CELA2A: variants seen among roughly 807,000 people sequenced by gnomAD.
The protein encoded by CELA2A is chymotrypsin-like elastase family member 2A.
A neutral mutation model predicts 35.3 loss-of-function variants in CELA2A; 31 were observed. The ratio of observed to expected loss-of-function variants is 0.88; its 90% CI spans 0.66 to 1.19. The LOEUF (loss-of-function observed/expected upper bound fraction) is 1.19. Ranked by LOEUF, CELA2A falls within the 50% of genes most tolerant of loss-of-function variation. The probability of loss-of-function intolerance (pLI) is 0.00; values close to 1 mark genes in which losing one functional copy is unlikely to be tolerated. For synonymous variants in CELA2A, 150 were observed against 149.8 expected, an observed-to-expected ratio of 1.00 and a Z score of -0.01; for missense variants, 330 against 352.9, an observed-to-expected ratio of 0.94 and a Z score of 0.52.
chr1:15,456,749 A>T lies in CELA2A; in HGVS notation c.-5A>T, dbSNP rs1304276604. The T allele has an allele frequency of 6.2e-7, 1 of 1,614,158 alleles. No individual in the cohort carries two copies. The highest frequency in any genetic ancestry group is 1.7e-5 in the Admixed American group (1 of 60,016). ...CCACGCTTACAGAACTCCCACGGAC[A>T]CACCATGATAAGGACGCTGCTGCTG... On this transcript the variant is annotated 5_prime_UTR_variant, in exon 1 of 8. Coordinates refer to ENST00000359621, the MANE Select transcript of CELA2A (RefSeq NM_033440.3).
At chr1:15,458,836 C>G (rs1159939215) in intron 2 of CELA2A, among the ~76,000 whole-genome samples, 1 of 142,830 alleles carries the variant, frequency 7.0e-6, no homozygotes, top group Non-Finnish European at 1.5e-5. Context: ...TCGCTTGAAC[C>G]TGGGAGGCGC....
intron 2 of CELA2A, among the ~76,000 whole-genome samples, chr1:15,459,882 T>C (rs1487866113): frequency 4.7e-5 from 7 of 149,234 alleles, no homozygotes; most frequent in Non-Finnish European, 1.0e-4. Context: ...TTCAAGGGGC[T>C]GAGGCAGGAG....
intron 2 of CELA2A, 102 bp downstream of exon 2, chr1:15,457,276 A>G (rs16851662): frequency 0.11 from 128,141 of 1,142,028 alleles, 7,914 homozygotes; most frequent in East Asian, 0.2. Context: ...CAAAGTGAGT[A>G]TTGATGGGAC....
At chr1:15,468,231 C>A (rs1254207892) in intron 7 of CELA2A, among the ~76,000 whole-genome samples, 1 of 152,068 alleles carries the variant, frequency 6.6e-6, no homozygotes, top group South Asian at 2.1e-4. Context: ...ACCTGATATC[C>A]CCATAGCATT....
chr1:15,463,216 C>T (rs1192283990), intron 4 of CELA2A, among the ~76,000 whole-genome samples, 170 bp from the exon 5 acceptor site: 1 of 152,192 alleles, frequency 6.6e-6, no homozygotes, highest in East Asian at 1.9e-4. Flanking sequence ...CCTGCCTTCC[C>T]CCTTTCAACA....
At chr1:15,464,521 A>C (rs1213796203) in intron 5 of CELA2A, among the ~76,000 whole-genome samples, 1 of 152,198 alleles carries the variant, frequency 6.6e-6, no homozygotes, top group Non-Finnish European at 1.5e-5. Context: ...AGTGTTAATC[A>C]CATTATGACA....
At chr1:15,466,739 G>C (rs1317211340) in intron 6 of CELA2A, among the ~76,000 whole-genome samples, 1 of 152,146 alleles carries the variant, frequency 6.6e-6, no homozygotes, top group Non-Finnish European at 1.5e-5. Context: ...CCAAAGGAAA[G>C]TATTCCCTGG....
chr1:15,458,258 A>C (rs1006174172), intron 2 of CELA2A, among the ~76,000 whole-genome samples: 1 of 152,120 alleles, frequency 6.6e-6, no homozygotes, highest in African/African-American at 2.4e-5. Context: ...TTCACAAAGC[A>C]ATCTGAGTTA....
chr1:15,471,266 G>C (rs570964350), intron 7 of CELA2A, among the ~76,000 whole-genome samples: 1 of 152,154 alleles, frequency 6.6e-6, no homozygotes, highest in Non-Finnish European at 1.5e-5. Flanking sequence ...TGTTTAACAG[G>C]CTGGGCGCGG....
chr1:15,465,312 A>G (rs2103304090), intron 5 of CELA2A, among the ~76,000 whole-genome samples: 1 of 152,098 alleles, frequency 6.6e-6, no homozygotes, highest in South Asian at 2.1e-4. Flanking sequence ...CCCGACCGAC[A>G]CTTAACTTCC....
At chr1:15,456,831 C>A in intron 1 of CELA2A, 38 bp downstream of exon 1, 1 of 1,613,804 alleles carries the variant, frequency 6.2e-7, no homozygotes, top group Non-Finnish European at 8.5e-7. Context: ...TTTCCCATGC[C>A]CTGGTGGGGC....
At chr1:15,471,139 C>T (rs1708589010) in intron 7 of CELA2A, among the ~76,000 whole-genome samples, 1 of 152,176 alleles carries the variant, frequency 6.6e-6, no homozygotes, top group Non-Finnish European at 1.5e-5. Flanking sequence ...TTCACTCTTA[C>T]ATTGTGCAAT....
At chr1:15,468,632 C>T (rs1369590114) in intron 7 of CELA2A, among the ~76,000 whole-genome samples, 1 of 152,050 alleles carries the variant, frequency 6.6e-6, no homozygotes, top group African/African-American at 2.4e-5. Flanking sequence ...CATAGCAAGA[C>T]TCTGTCTTTA....
At position 15,461,549 on chromosome 1, in the gene CELA2A, G is replaced by T. The variant is rs1410037119; in HGVS notation, c.130-12G>T. On this transcript the variant is annotated splice_polypyrimidine_tract_variant and intron_variant, in intron 2 of 7. Coordinates refer to ENST00000359621, the MANE Select transcript of CELA2A (RefSeq NM_033440.3). Reference sequence around the variant, plus strand: ...TCAAACCTAGCCACAGAGCTCCTTTGCTTCTCCCCAGGTCTCCCTGCAGTA... The same window carrying T: ...TCAAACCTAGCCACAGAGCTCCTTTTCTTCTCCCCAGGTCTCCCTGCAGTA... 1.2e-6 allele frequency: 2 copies of T among 1,612,010 alleles called. No individual in the cohort carries two copies. The highest frequency in any genetic ancestry group is 1.7e-6 in the Non-Finnish European group (2 of 1,179,842).
chr1:15,465,216 G>A (rs779892388), intron 5 of CELA2A, among the ~76,000 whole-genome samples: 58 of 151,832 alleles, frequency 3.8e-4, no homozygotes, highest in Non-Finnish European at 7.2e-4. Context: ...TCACCATGTT[G>A]GCCAGGCTGG....
intron 5 of CELA2A, 80 bp from the exon 6 acceptor site, chr1:15,465,919 G>A (rs982979723): frequency 6.5e-7 from 1 of 1,528,834 alleles, no homozygotes; most frequent in Non-Finnish European, 9.0e-7. Flanking sequence ...CAGGAACAGG[G>A]GAAACCTAAG....
chr1:15,463,552 G>A lies in CELA2A; in HGVS notation c.493+30G>A, dbSNP rs750200974. On this transcript the variant is annotated intron_variant, in intron 5 of 7. Transcript: ENST00000359621. ...GTGGGAGCCAGGAGCCCCCAGGCCT[G>A]GGAGGGAAGGGAGGTGATTCACGTC... 8 of 1,612,516 alleles carry A rather than the reference G, an allele frequency of 5.0e-6. No individual in the cohort carries two copies. The South Asian group carries it at 8.8e-5, about 18-fold the overall frequency.
In CELA2A at chr1:15,461,583, A is replaced by G. The variant is rs1212174964; in HGVS notation, c.152A>G (p.Asn51Ser). 5.0e-6 allele frequency: 8 copies of G among 1,612,232 alleles called. No homozygotes were observed. The highest frequency in any genetic ancestry group is 6.8e-6 in the Non-Finnish European group (8 of 1,179,960). The change falls in exon 3 of 8, where the codon AAT (asparagine) becomes AGT (serine). Residue 51 changes from asparagine (N) to serine (S), a missense_variant. Asn to Ser is a conservative substitution (Grantham distance 46). Coordinates refer to ENST00000359621, the MANE Select transcript of CELA2A (RefSeq NM_033440.3). ...CAGGTCTCCCTGCAGTACAGCTCCA[A>G]TGGCAAGTGGTACCACACCTGCGGA... ...PWQVSLQYSS[N>S]GKWYHTCGGS...
chr1:15,457,063 C>A (rs1273143931), intron 1 of CELA2A, 23 bp from the exon 2 acceptor site: 6 of 1,608,312 alleles, frequency 3.7e-6, no homozygotes, highest in Non-Finnish European at 5.1e-6. Flanking sequence ...CTTCCTGACT[C>A]AAGACCCTTT....
Sources: gnomAD v4.1 joint callset for allele counts (sites outside exome capture counted in the v4.1 genomes callset) on GRCh38, gnomAD v4.1.1 for gene constraint, MANE v1.5 for transcripts, NCBI Gene and HGNC (gene_info 2026-07-23, HGNC 2026-07-21) for gene names.